The following PPP1R2 variants were observed in gnomAD, a reference collection of about 807,000 sequenced individuals.
PPP1R2 encodes the protein protein phosphatase inhibitor 2.
Under a neutral mutation model 29.9 loss-of-function variants are expected in PPP1R2, and 16 were observed. That is an observed-to-expected ratio of 0.53 (90% CI 0.36 to 0.81). The LOEUF (loss-of-function observed/expected upper bound fraction) is 0.81. PPP1R2 is among the 30% of genes least tolerant of loss of function. The pLI, the probability that PPP1R2 is intolerant of heterozygous loss-of-function variation, is 0.00. For synonymous variants in PPP1R2, 76 were observed against 91.5 expected, an observed-to-expected ratio of 0.83 and a Z score of 0.96; for missense variants, 197 against 252.7, an observed-to-expected ratio of 0.78 and a Z score of 1.49.
chr3:195,524,351 G>T (rs1211539077), intron 3 of PPP1R2, among the ~76,000 whole-genome samples: 2 of 152,140 alleles, frequency 1.3e-5, no homozygotes, highest in Non-Finnish European at 2.9e-5. Context: ...GCAAAACACT[G>T]TCTCTACTAA....
intron 1 of PPP1R2, among the ~76,000 whole-genome samples, chr3:195,531,307 G>A (rs1474283446): frequency 6.6e-6 from 1 of 152,070 alleles, no homozygotes; most frequent in Non-Finnish European, 1.5e-5. Flanking sequence ...TATGTACTTG[G>A]AAAAACCTGC....
At chr3:195,520,512 T>C (rs551138737) in intron 4 of PPP1R2, among the ~76,000 whole-genome samples, 3 of 152,132 alleles carry the variant, frequency 2.0e-5, no homozygotes, top group African/African-American at 7.2e-5. Context: ...CTGGGAAGGC[T>C]GAGATGGGAG....
At chr3:195,540,316 G>A (rs1719547090) in intron 1 of PPP1R2, among the ~76,000 whole-genome samples, 1 of 152,114 alleles carries the variant, frequency 6.6e-6, no homozygotes, top group Admixed American at 6.6e-5. Flanking sequence ...CCTTTTCGTG[G>A]CCTATTTAGG....
intron 4 of PPP1R2, among the ~76,000 whole-genome samples, chr3:195,520,288 G>A (rs756688542): frequency 3.3e-5 from 5 of 152,112 alleles, no homozygotes; most frequent in Non-Finnish European, 5.9e-5. Context: ...GGGATTACAG[G>A]CATGAGCCAC....
At chr3:195,527,307 A>G (rs1719007350) in intron 2 of PPP1R2, among the ~76,000 whole-genome samples, 1 of 151,732 alleles carries the variant, frequency 6.6e-6, no homozygotes. Flanking sequence ...AAAACTAGCC[A>G]GGCGTGGTAG....
chr3:195,526,117 T>TTTC (rs1282758272), intron 2 of PPP1R2, among the ~76,000 whole-genome samples: 1 of 151,702 alleles, frequency 6.6e-6, no homozygotes, highest in Non-Finnish European at 1.5e-5. Flanking sequence ...TTTTTTTTTT[T>TTTC]GAGACAGGGT....
chr3:195,516,778 T>C lies in PPP1R2; in HGVS notation c.*118A>G, dbSNP rs1451280698. The C allele has an allele frequency of 1.3e-6, 1 of 788,890 alleles. No homozygotes were observed. The highest frequency in any genetic ancestry group is 2.1e-6 in the Non-Finnish European group (1 of 477,754). The allele number at this position is 788,890 out of a possible 1,614,324, so 48.9% of individuals were successfully genotyped here. A position where few individuals can be genotyped will look rare whatever the true frequency, so the allele number is the denominator to read the frequency against. On this transcript the variant is annotated 3_prime_UTR_variant, in exon 6 of 6. Coordinates refer to ENST00000618156, the MANE Select transcript of PPP1R2 (RefSeq NM_006241.8). Reference sequence around the variant, plus strand: ...GTTTATCATTTAATTCTTGGCAATATATAATAACTGGTATGCATTTTGGTA... The same window carrying C: ...GTTTATCATTTAATTCTTGGCAATACATAATAACTGGTATGCATTTTGGTA...
rs115003215 is a variant in PPP1R2 at position 195,529,777 on chromosome 3, C to T, written c.230+17G>A. 1.4e-3 allele frequency: 2,146 copies of T among 1,500,032 alleles called. 23 individuals carry two copies. In the African/African-American group the frequency reaches 0.024, roughly 17 times the overall value. 92.9% of individuals were successfully genotyped at this position (1,500,032 alleles called of 1,614,324 possible). A position where few individuals can be genotyped will look rare whatever the true frequency, so the allele number is the denominator to read the frequency against. The stretch of plus-strand genomic sequence containing the variant: ...TGGAAGTAAGTCACAAGAGGAATGA[C>T]GTCTACGTAACATTACCTATGGTAA... On this transcript the variant is annotated intron_variant, in intron 2 of 5. Transcript: ENST00000618156.
At chr3:195,524,971 T>C in intron 2 of PPP1R2, 75 bp from the exon 3 acceptor site, 1 of 1,252,830 alleles carries the variant, frequency 8.0e-7, no homozygotes, top group Non-Finnish European at 1.2e-6. Flanking sequence ...AGAAAAACAA[T>C]TCCATCAACC....
rs542544911 is a variant in PPP1R2 at position 195,542,620 on chromosome 3, G to GAA, written c.122+282_122+283dup. The stretch of plus-strand genomic sequence containing the variant: ...GTAAAAGCTTAACAGTCGAAGATCT[G>GAA]AAGCTTCAATTTCATTCTTTGATGT... On this transcript the variant is annotated intron_variant, in intron 1 of 5. Coordinates refer to ENST00000618156, the MANE Select transcript of PPP1R2 (RefSeq NM_006241.8). Among the ~76,000 whole-genome samples the GAA allele has an allele frequency of 5.3e-3, 806 of 152,172 alleles. 6 individuals carry two copies. The highest frequency in any genetic ancestry group is 0.019 in the African/African-American group (770 of 41,510).
chr3:195,537,724 A>T lies in PPP1R2; in HGVS notation c.122+5180T>A, dbSNP rs528009348. 2.0e-5 allele frequency among the ~76,000 whole-genome samples: 3 copies of T among 152,260 alleles called. No individual in the cohort carries two copies. In the East Asian group the frequency reaches 5.8e-4, roughly 29 times the overall value. On this transcript the variant is annotated intron_variant, in intron 1 of 5. Coordinates refer to ENST00000618156, the MANE Select transcript of PPP1R2 (RefSeq NM_006241.8). ...TAGTTTACTTTCTTCTGTAAATGAA[A>T]TTTTAAGTTCTAAATATTCAAAGTC...
chr3:195,542,078 C>G (rs1719618031), intron 1 of PPP1R2, among the ~76,000 whole-genome samples: 1 of 152,164 alleles, frequency 6.6e-6, no homozygotes, highest in South Asian at 2.1e-4. Flanking sequence ...TTGCAACGCC[C>G]AAGCCCCCGT....
Position 195,523,925 on chromosome 3 carries a change from C to A in PPP1R2, c.309-139G>T, listed in dbSNP as rs1360082691. ...ATAACCTGATGAGGAAAATAAAAGG[C>A]AAGAGAGCAGAAACGTGCCGGGCAT... On this transcript the variant is annotated intron_variant, in intron 3 of 5. Coordinates refer to ENST00000618156, the MANE Select transcript of PPP1R2 (RefSeq NM_006241.8). 1.0e-5 allele frequency: 8 copies of A among 775,114 alleles called. 1 individual carries two copies. In the Admixed American group the frequency reaches 1.8e-4, roughly 17 times the overall value. 48.0% of individuals were successfully genotyped at this position (775,114 alleles called of 1,614,324 possible). A position where few individuals can be genotyped will look rare whatever the true frequency, so the allele number is the denominator to read the frequency against.
At chr3:195,532,803 A>C (rs1364615487) in intron 1 of PPP1R2, among the ~76,000 whole-genome samples, 1 of 152,182 alleles carries the variant, frequency 6.6e-6, no homozygotes, top group African/African-American at 2.4e-5. Context: ...AAAAACCTTA[A>C]AAGTTAGTTA....
At chr3:195,539,754 C>T (rs959857747) in intron 1 of PPP1R2, among the ~76,000 whole-genome samples, 4 of 152,012 alleles carry the variant, frequency 2.6e-5, no homozygotes, top group African/African-American at 9.7e-5. Context: ...ACTGAGTCAT[C>T]TAAAAAAATA....
chr3:195,518,194 C>T (rs764424233), intron 5 of PPP1R2, among the ~76,000 whole-genome samples: 1 of 151,858 alleles, frequency 6.6e-6, no homozygotes, highest in Non-Finnish European at 1.5e-5. Context: ...TATGACAGAT[C>T]AGGAGTTGCT....
At chr3:195,530,650 C>T (rs560771249) in intron 1 of PPP1R2, among the ~76,000 whole-genome samples, 12 of 151,546 alleles carry the variant, frequency 7.9e-5, no homozygotes, top group South Asian at 2.1e-4. Context: ...CTCAGCCTCC[C>T]GAGTAGCTGG....
At chr3:195,530,455 T>C (rs371596457) in intron 1 of PPP1R2, among the ~76,000 whole-genome samples, 2 of 152,298 alleles carry the variant, frequency 1.3e-5, no homozygotes, top group African/African-American at 2.4e-5. Flanking sequence ...TCTAGAAAAA[T>C]AAAGGTTTGC....
At chr3:195,540,340 T>C (rs1197645812) in intron 1 of PPP1R2, among the ~76,000 whole-genome samples, 1 of 152,156 alleles carries the variant, frequency 6.6e-6, no homozygotes, top group African/African-American at 2.4e-5. Flanking sequence ...CTTTCCTGCA[T>C]TTTTGTTGGT....
Sources: allele counts gnomAD v4.1 joint callset (sites outside exome capture counted in the v4.1 genomes callset), GRCh38; gene constraint gnomAD v4.1.1; transcripts MANE v1.5; gene names NCBI Gene and HGNC (gene_info 2026-07-23, HGNC 2026-07-21).